Variants in SOX5 observed in about 807,000 individuals in gnomAD.
The protein encoded by SOX5 is SRY-box transcription factor 5, also known as transcription factor SOX-5.
SOX5 carries 9 observed loss-of-function variants against 92.0 expected under a neutral mutation model. That is an observed-to-expected ratio of 0.10 (90% confidence interval 0.06 to 0.17). The LOEUF (loss-of-function observed/expected upper bound fraction) is 0.17. Ranked by LOEUF, SOX5 falls within the 10% of genes least tolerant of loss-of-function variation. SOX5 has a pLI of 1.00. For synonymous variants in SOX5, 344 were observed against 336.3 expected, an observed-to-expected ratio of 1.02 and a Z score of -0.25; for missense variants, 642 against 944.5, an observed-to-expected ratio of 0.68 and a Z score of 4.20.
chr12:24,264,817 T>C (rs895361093), intron 3 of SOX5, among the ~76,000 whole-genome samples: 2 of 152,240 alleles, frequency 1.3e-5, no homozygotes, highest in Admixed American at 6.5e-5. Context: ...GATTTGAGTT[T>C]TCAAAAGTTG....
At chr12:23,623,167 A>G (rs1237217737) in intron 8 of SOX5, among the ~76,000 whole-genome samples, 3 of 152,184 alleles carry the variant, frequency 2.0e-5, no homozygotes, top group Admixed American at 6.5e-5. Flanking sequence ...TTTGAAAGGT[A>G]CTGAGTTAGA....
chr12:24,534,983 T>C (rs1034558257), intron 1 of SOX5, among the ~76,000 whole-genome samples: 2 of 152,232 alleles, frequency 1.3e-5, no homozygotes, highest in African/African-American at 4.8e-5. Context: ...ATGGAGTTCT[T>C]GTCAATTTGC....
intron 1 of SOX5, among the ~76,000 whole-genome samples, chr12:24,500,021 C>T (rs901907721): frequency 3.3e-5 from 5 of 152,228 alleles, no homozygotes; most frequent in Admixed American, 3.3e-4. Flanking sequence ...CAAATTCTTT[C>T]AGAAAATCAA....
At chr12:24,004,030 T>C (rs1951885231) in intron 4 of SOX5, among the ~76,000 whole-genome samples, 1 of 152,018 alleles carries the variant, frequency 6.6e-6, no homozygotes, top group South Asian at 2.1e-4. Context: ...TGCACTAAGG[T>C]GCCAAAGCAA....
intron 13 of SOX5, among the ~76,000 whole-genome samples, chr12:23,540,506 G>A (rs867277361): frequency 8.6e-5 from 13 of 151,986 alleles, no homozygotes; most frequent in Non-Finnish European, 1.3e-4. Flanking sequence ...AAGGTCCAAC[G>A]ATTATTCCTT....
intron 2 of SOX5, among the ~76,000 whole-genome samples, chr12:23,878,663 A>G (rs1020498735): frequency 6.6e-6 from 1 of 152,246 alleles, no homozygotes; most frequent in African/African-American, 2.4e-5. Flanking sequence ...TTAAAAAGAC[A>G]TTTATCCATT....
chr12:24,474,587 G>C (rs1436713615), intron 1 of SOX5, among the ~76,000 whole-genome samples: 3 of 152,174 alleles, frequency 2.0e-5, no homozygotes, highest in African/African-American at 7.2e-5. Context: ...CCAGGCTGGA[G>C]TGCAGTGGCG....
chr12:23,658,012 G>C (rs770407546), intron 7 of SOX5, among the ~76,000 whole-genome samples: 1 of 152,156 alleles, frequency 6.6e-6, no homozygotes, highest in Non-Finnish European at 1.5e-5. Context: ...TTGCTTGTGT[G>C]TACGTATTTT....
At chr12:23,789,604 C>CAA (rs1438165418) in intron 3 of SOX5, among the ~76,000 whole-genome samples, 1 of 151,998 alleles carries the variant, frequency 6.6e-6, no homozygotes, top group Admixed American at 6.6e-5. Flanking sequence ...TTAATATAGC[C>CAA]AATGCTACCA....
chr12:24,194,431 A>AGG lies in SOX5; in HGVS notation c.-2+18911_-2+18912insCC, dbSNP rs1322342788. 5.3e-3 allele frequency among the ~76,000 whole-genome samples: 508 copies of AGG among 96,368 alleles called. 7 individuals carry two copies. Among genetic ancestry groups the AGG allele is most frequent in the African/African-American group, 0.026 (452 of 17,346 alleles). 63.2% of individuals were successfully genotyped at this position (96,368 alleles called of 152,430 possible). On this transcript the variant is annotated intron_variant, in intron 4 of 4. Transcript: ENST00000446891. ...TAGGTAGGTAGGTAGGTAGGTAGGT[A>AGG]TGTAGGTAGGTAGGTAGGTAGGTAG...
chr12:23,655,641 C>T (rs1488206598), intron 7 of SOX5, among the ~76,000 whole-genome samples: 2 of 152,058 alleles, frequency 1.3e-5, no homozygotes, highest in Admixed American at 6.6e-5. Context: ...TGGCAGACAT[C>T]GTATACCTCC....
chr12:24,424,808 TG>T (rs60026658), intron 1 of SOX5, among the ~76,000 whole-genome samples: 24 of 138,440 alleles, frequency 1.7e-4, no homozygotes, highest in African/African-American at 5.7e-4. Context: ...GTTTTTTTTT[TG>T]GGGGGGGGGG....
chr12:24,495,242 C>T (rs74070904), intron 1 of SOX5, among the ~76,000 whole-genome samples: 1,576 of 152,264 alleles, frequency 0.01, 20 homozygotes, highest in African/African-American at 0.035. Flanking sequence ...GTTATGGCCC[C>T]TGCAGCACAG....
At chr12:23,796,637 T>C (rs1218262708) in intron 3 of SOX5, among the ~76,000 whole-genome samples, 2 of 151,912 alleles carry the variant, frequency 1.3e-5, no homozygotes, top group Admixed American at 1.3e-4. Flanking sequence ...GTTTAGCTTC[T>C]AAACTGTGTC....
At chr12:24,046,723 A>G (rs963764565) in intron 4 of SOX5, among the ~76,000 whole-genome samples, 2 of 132,080 alleles carry the variant, frequency 1.5e-5, no homozygotes, top group Non-Finnish European at 3.1e-5. Flanking sequence ...TTTGTTGCCC[A>G]GGCTGGAGTG....
At chr12:24,555,303 A>T (rs1953659541) in intron 1 of SOX5, among the ~76,000 whole-genome samples, 1 of 152,218 alleles carries the variant, frequency 6.6e-6, no homozygotes, top group African/African-American at 2.4e-5. Context: ...TTTAGGGCCA[A>T]TTACCTAAAG....
rs559449277 is a variant in SOX5, at chr12:24,277,004, G to C, written c.-77+212C>G. ...TGTTGCTATCATCTGCCAGTTTAGAGACATTACCATCATAATGAGTCTCAA... is the reference window on the plus strand; with the variant it reads ...TGTTGCTATCATCTGCCAGTTTAGACACATTACCATCATAATGAGTCTCAA... On this transcript the variant is annotated intron_variant, in intron 3 of 4. Transcript: ENST00000446891. Among the ~76,000 whole-genome samples, 40 of 152,088 alleles carry C rather than the reference G, an allele frequency of 2.6e-4. No individual in the cohort carries two copies. The South Asian group carries it at 8.3e-3, about 31-fold the overall frequency.
At chr12:23,846,863 C>T (rs547522951) in intron 2 of SOX5, among the ~76,000 whole-genome samples, 1 of 152,248 alleles carries the variant, frequency 6.6e-6, no homozygotes, top group South Asian at 2.1e-4. Flanking sequence ...TTTGTCAACA[C>T]TCTTTGCTAT....
chr12:23,870,864 G>C (rs2096865085), intron 2 of SOX5, among the ~76,000 whole-genome samples: 3 of 151,658 alleles, frequency 2.0e-5, no homozygotes, highest in African/African-American at 7.3e-5. Context: ...CTATGATGTA[G>C]TTTTTTTTCT....
Sources: gnomAD v4.1 joint callset for allele counts (sites outside exome capture counted in the v4.1 genomes callset) on GRCh38, gnomAD v4.1.1 for gene constraint, MANE v1.5 for transcripts, NCBI Gene and HGNC (gene_info 2026-07-23, HGNC 2026-07-21) for gene names.